The following PARD3B variants were observed in gnomAD, a reference collection of about 807,000 sequenced individuals.
PARD3B encodes the protein partitioning defective 3 homolog B.
In PARD3B, 103 loss-of-function variants were observed where a neutral mutation model predicts 130.2. That is an observed-to-expected ratio of 0.79 (90% confidence interval 0.67 to 0.93). PARD3B has a LOEUF of 0.93. Among genes scored for constraint, PARD3B ranks in the 40% least tolerant of loss-of-function variants. The pLI is 0.00. For missense variants in PARD3B, 1,609 were observed against 1,499.2 expected (o/e 1.07, Z -1.21); for synonymous variants, 583 against 553.2 (o/e 1.05, Z -0.76).
chr2:205,051,332 A>T (rs1376759612), intron 4 of PARD3B, among the ~76,000 whole-genome samples: 2 of 152,230 alleles, frequency 1.3e-5, no homozygotes, highest in Admixed American at 1.3e-4. Flanking sequence ...TTAAAAAGCC[A>T]TGTTCAATTG....
At chr2:205,284,643 TTAATGGTATCC>T (rs1266477558) in intron 16 of PARD3B, among the ~76,000 whole-genome samples, 52 of 152,194 alleles carry the variant, frequency 3.4e-4, no homozygotes, top group Admixed American at 3.4e-3. Flanking sequence ...TCTGAAACTG[TTAATGGTATCC>T]TAATGTTTTT....
chr2:205,009,062 T>A (rs1329862007), intron 3 of PARD3B, among the ~76,000 whole-genome samples: 1 of 152,240 alleles, frequency 6.6e-6, no homozygotes, highest in Non-Finnish European at 1.5e-5. Context: ...AAATATTTGC[T>A]AAATGTATTT....
intron 14 of PARD3B, among the ~76,000 whole-genome samples, chr2:205,186,446 A>G (rs1050829729): frequency 1.3e-5 from 2 of 152,202 alleles, no homozygotes; most frequent in Non-Finnish European, 2.9e-5. Context: ...GGGAATTCAT[A>G]GATTTTGTTC....
intron 21 of PARD3B, among the ~76,000 whole-genome samples, chr2:205,533,615 T>C (rs1052410564): frequency 1.3e-5 from 2 of 152,208 alleles, no homozygotes; most frequent in African/African-American, 4.8e-5. Context: ...TAAGTGTTCA[T>C]TAAATAATGA....
intron 2 of PARD3B, among the ~76,000 whole-genome samples, chr2:204,734,698 G>A (rs1450050639): frequency 1.3e-5 from 2 of 152,144 alleles, no homozygotes; most frequent in Admixed American, 6.5e-5. Flanking sequence ...TTCTTAAAGA[G>A]CAAAACTGTA....
In PARD3B at chr2:205,458,164, A is replaced by G. The variant is rs2048336089; in HGVS notation, c.3044+17492A>G. On this transcript the variant is annotated intron_variant, in intron 20 of 22. Transcript: ENST00000406610. The surrounding 1 kb of genome is among the most constrained non-coding windows in gnomAD (Gnocchi z 4.8). ...ATGTTTAAACCTGATTAGGATTTGC[A>G]GAGCTTCTTAAATCTGTGCTTTAGT... 6.6e-6 allele frequency among the ~76,000 whole-genome samples: 1 copy of G among 152,054 alleles called. No homozygotes were observed. The highest frequency in any genetic ancestry group is 2.4e-5 in the African/African-American group (1 of 41,408).
intron 2 of PARD3B, among the ~76,000 whole-genome samples, chr2:204,807,757 C>G (rs2042825796): frequency 6.6e-6 from 1 of 152,014 alleles, no homozygotes; most frequent in Non-Finnish European, 1.5e-5. Context: ...TTCACATCTT[C>G]TCTCTCATTC....
intron 20 of PARD3B, among the ~76,000 whole-genome samples, chr2:205,474,786 C>T (rs913528350): frequency 6.6e-6 from 1 of 152,156 alleles, no homozygotes; most frequent in African/African-American, 2.4e-5. Context: ...TCACCCCATT[C>T]CTGACAACTT....
intron 13 of PARD3B, among the ~76,000 whole-genome samples, chr2:205,182,431 A>T (rs941403397): frequency 2.6e-5 from 4 of 152,180 alleles, no homozygotes; most frequent in African/African-American, 9.6e-5. Context: ...ATAAAGAACG[A>T]TAAATGGTTC....
intron 8 of PARD3B, 52 bp from the exon 9 acceptor site, chr2:205,124,275 A>G: frequency 7.3e-7 from 1 of 1,377,684 alleles, no homozygotes; most frequent in Non-Finnish European, 9.7e-7. Context: ...GACTGAATAT[A>G]ATATTACTCA....
intron 4 of PARD3B, among the ~76,000 whole-genome samples, chr2:205,065,146 T>A (rs996778064): frequency 2.6e-5 from 4 of 152,168 alleles, no homozygotes; most frequent in Admixed American, 1.3e-4. Context: ...GAAGATGAGG[T>A]CAGCTATTTC....
At position 204,849,226 on chromosome 2, in the gene PARD3B, A is replaced by T. The variant is rs147013694; in HGVS notation, c.223-115926A>T. ...ATTAGAGTGCTGTCATTTTTCAAGCAGATAGAAAAATGAATACTCTGTAGG... is the reference window on the plus strand; with the variant it reads ...ATTAGAGTGCTGTCATTTTTCAAGCTGATAGAAAAATGAATACTCTGTAGG... On this transcript the variant is annotated intron_variant, in intron 2 of 22. Coordinates refer to ENST00000406610, the MANE Select transcript of PARD3B (RefSeq NM_001302769.2). Among the ~76,000 whole-genome samples, 674 of 152,296 alleles carry T rather than the reference A, an allele frequency of 4.4e-3. 7 individuals carry two copies. Among genetic ancestry groups the T allele is most frequent in the African/African-American group, 0.015 (644 of 41,582 alleles).
intron 3 of PARD3B, among the ~76,000 whole-genome samples, chr2:204,975,446 C>G (rs1369880525): frequency 1.3e-5 from 2 of 152,092 alleles, no homozygotes; most frequent in Non-Finnish European, 2.9e-5. Flanking sequence ...TCCATCCATC[C>G]TTCTCCCTGA....
At chr2:204,954,501 T>C (rs1690066496) in intron 2 of PARD3B, among the ~76,000 whole-genome samples, 1 of 152,182 alleles carries the variant, frequency 6.6e-6, no homozygotes, top group Admixed American at 6.5e-5. Flanking sequence ...AAGAGTCAGT[T>C]CCCTAACCAG....
At chr2:205,365,196 G>C (rs1199321923) in intron 18 of PARD3B, among the ~76,000 whole-genome samples, 4 of 97,226 alleles carry the variant, frequency 4.1e-5, no homozygotes, top group African/African-American at 1.2e-4. Context: ...GTAAAACTCC[G>C]TGTCAAAAAA....
At chr2:204,563,999 C>T (rs2031515275) in intron 1 of PARD3B, among the ~76,000 whole-genome samples, 1 of 152,136 alleles carries the variant, frequency 6.6e-6, no homozygotes, top group Admixed American at 6.5e-5. Context: ...TGGTCTCGAT[C>T]TCCTGACCTT....
At chr2:205,297,486 A>G (rs1259145125) in intron 16 of PARD3B, among the ~76,000 whole-genome samples, 1 of 152,170 alleles carries the variant, frequency 6.6e-6, no homozygotes, top group Non-Finnish European at 1.5e-5. Context: ...GTTGGAATTT[A>G]ACACTGATGC....
intron 18 of PARD3B, among the ~76,000 whole-genome samples, chr2:205,343,079 G>T (rs552577368): frequency 2.6e-5 from 4 of 152,214 alleles, no homozygotes; most frequent in Admixed American, 6.5e-5. Context: ...GCTAAATCTT[G>T]TATGTCTCAA....
In PARD3B at chr2:205,365,250, T is replaced by C. The variant is rs1574817866; in HGVS notation, c.2631-35763T>C. Among the ~76,000 whole-genome samples, 2 of 151,604 alleles carry C rather than the reference T, an allele frequency of 1.3e-5. 1 individual carries two copies. Among genetic ancestry groups the C allele is most frequent in the African/African-American group, 4.8e-5 (2 of 41,404 alleles). Reference sequence around the variant, plus strand: ...GGCATGGTATGGTGGCAGGCGCCTGTAATCCTAGCTACTTGGGAGGATGAA... The same window carrying C: ...GGCATGGTATGGTGGCAGGCGCCTGCAATCCTAGCTACTTGGGAGGATGAA... On this transcript the variant is annotated intron_variant, in intron 18 of 22. Coordinates refer to ENST00000406610, the MANE Select transcript of PARD3B (RefSeq NM_001302769.2).
Sources: allele counts gnomAD v4.1 joint callset (sites outside exome capture counted in the v4.1 genomes callset), GRCh38; gene constraint gnomAD v4.1.1; non-coding constraint Gnocchi (gnomAD v3.1); transcripts MANE v1.5; gene names NCBI Gene and HGNC (gene_info 2026-07-23, HGNC 2026-07-21).